The following SAMMSON variants were observed in gnomAD, a reference collection of about 807,000 sequenced individuals.
SAMMSON encodes the protein survival associated mitochondrial melanoma specific oncogenic non-coding RNA.
At chr3:70,315,115 G>C (rs891917568) in intron 7 of SAMMSON, among the ~76,000 whole-genome samples, 1 of 152,134 alleles carries the variant, frequency 6.6e-6, no homozygotes, top group African/African-American at 2.4e-5. Context: ...TAGAATCTCT[G>C]TACAAGAGTT....
At chr3:70,345,403 C>G (rs1424169622) in intron 7 of SAMMSON, among the ~76,000 whole-genome samples, 1 of 152,214 alleles carries the variant, frequency 6.6e-6, no homozygotes, top group Non-Finnish European at 1.5e-5. Context: ...TCTCCCAACA[C>G]TTTCAAGTGA....
At chr3:70,250,370 A>G (rs1701749541) in intron 6 of SAMMSON, among the ~76,000 whole-genome samples, 1 of 150,792 alleles carries the variant, frequency 6.6e-6, no homozygotes, top group South Asian at 2.1e-4. Flanking sequence ...CTGTGTTTTT[A>G]TTGTTATTGA....
intron 4 of SAMMSON, among the ~76,000 whole-genome samples, chr3:70,223,940 G>T (rs1374542250): frequency 6.6e-6 from 1 of 151,384 alleles, no homozygotes; most frequent in African/African-American, 2.4e-5. Context: ...CCACCCTTTT[G>T]GTTTTGTTTC....
At chr3:70,194,102 A>C (rs985690815) in intron 4 of SAMMSON, among the ~76,000 whole-genome samples, 1 of 152,228 alleles carries the variant, frequency 6.6e-6, no homozygotes, top group Non-Finnish European at 1.5e-5. Flanking sequence ...CGGCTTTTAC[A>C]GAAGCAATGG....
intron 4 of SAMMSON, among the ~76,000 whole-genome samples, chr3:70,158,241 A>G (rs887765487): frequency 6.6e-6 from 1 of 152,072 alleles, no homozygotes; most frequent in African/African-American, 2.4e-5. Flanking sequence ...AGCAACCACT[A>G]ATCTATTTTC....
Position 70,267,693 on chromosome 3 carries a change from G to A in SAMMSON, n.674+18023G>A, listed in dbSNP as rs1701932898. Among the ~76,000 whole-genome samples the A allele has an allele frequency of 3.3e-5, 5 of 151,420 alleles. No individual in the cohort carries two copies. In the South Asian group the frequency reaches 1.0e-3, roughly 31 times the overall value. Reference sequence around the variant, plus strand: ...GGCCTCCCAGAGTGCTGGGATTACAGGCGAGAGCCACCCCGCCCAGCCTAA... The same window carrying A: ...GGCCTCCCAGAGTGCTGGGATTACAAGCGAGAGCCACCCCGCCCAGCCTAA... On this transcript the variant is annotated intron_variant and non_coding_transcript_variant, in intron 6 of 9. Transcript: ENST00000642114.
chr3:70,243,900 T>A (rs922565102), intron 4 of SAMMSON, among the ~76,000 whole-genome samples: 12 of 152,158 alleles, frequency 7.9e-5, no homozygotes, highest in African/African-American at 2.9e-4. Context: ...CTGTAATAAT[T>A]GTCTATAGTT....
chr3:70,404,433 T>C, intron 2 of SAMMSON, among the ~76,000 whole-genome samples: 1 of 152,154 alleles, frequency 6.6e-6, no homozygotes. Context: ...GATTCAGAGA[T>C]ACCCGGTAGA....
chr3:70,087,521 A>T (rs138725249), intron 4 of SAMMSON, among the ~76,000 whole-genome samples: 33 of 152,272 alleles, frequency 2.2e-4, no homozygotes, highest in African/African-American at 7.0e-4. Context: ...GATTCCTTCC[A>T]CAGGGAGGAA....
At position 70,090,067 on chromosome 3, in the gene SAMMSON, G is replaced by A. The variant is rs74797860; in HGVS notation, n.507+18502G>A. Among the ~76,000 whole-genome samples, 41 of 151,926 alleles carry A rather than the reference G, an allele frequency of 2.7e-4. No individual in the cohort carries two copies. In the East Asian group the frequency reaches 5.2e-3, roughly 19 times the overall value. On this transcript the variant is annotated intron_variant and non_coding_transcript_variant, in intron 4 of 9. Transcript: ENST00000642114. ...TTTTTTCCTTGACTTTCCCCCATTC[G>A]TTAAATATGAACACCTCAAAGACAG...
chr3:70,144,175 C>T (rs2067539024), intron 4 of SAMMSON, among the ~76,000 whole-genome samples: 1 of 152,044 alleles, frequency 6.6e-6, no homozygotes, highest in African/African-American at 2.4e-5. Context: ...TTTACCTTGA[C>T]TTTTTTTCAT....
At chr3:70,246,625 G>C (rs1211535922) in intron 4 of SAMMSON, among the ~76,000 whole-genome samples, 3 of 152,160 alleles carry the variant, frequency 2.0e-5, no homozygotes, top group South Asian at 4.1e-4. Flanking sequence ...TAACTGAAAC[G>C]TATTTAAGGG....
chr3:70,037,007 G>T (rs1249711595), intron 3 of SAMMSON, among the ~76,000 whole-genome samples: 1 of 152,076 alleles, frequency 6.6e-6, no homozygotes, highest in Non-Finnish European at 1.5e-5. Flanking sequence ...ATGTCAAAAG[G>T]TAGAGAGGAA....
intron 3 of SAMMSON, among the ~76,000 whole-genome samples, chr3:70,032,829 G>A (rs1559777240): frequency 6.6e-6 from 1 of 152,158 alleles, no homozygotes; most frequent in African/African-American, 2.4e-5. Flanking sequence ...GCTGCAACAG[G>A]GCTAAGCTCA....
chr3:70,388,517 TTGTCCA>T (rs967653701), intron 9 of SAMMSON, among the ~76,000 whole-genome samples: 3 of 152,160 alleles, frequency 2.0e-5, no homozygotes, highest in African/African-American at 7.2e-5. Context: ...TCCAACCCTC[TTGTCCA>T]TTGCTATTTC....
chr3:70,129,130 GTC>G (rs1231725726), intron 4 of SAMMSON, among the ~76,000 whole-genome samples: 4 of 152,102 alleles, frequency 2.6e-5, no homozygotes, highest in African/African-American at 7.2e-5. Context: ...TCTGGCCTGT[GTC>G]TCTATCTTCT....
chr3:70,352,978 C>G (rs1196175253), intron 7 of SAMMSON, among the ~76,000 whole-genome samples: 1 of 151,844 alleles, frequency 6.6e-6, no homozygotes, highest in African/African-American at 2.4e-5. Flanking sequence ...TTCAATGGAA[C>G]AAAAAGATAA....
At chr3:70,068,458 C>T (rs943694891) in intron 3 of SAMMSON, 2 of 152,074 alleles carry the variant, frequency 1.3e-5, no homozygotes, top group Admixed American at 6.6e-5. Flanking sequence ...TCCACTTAAA[C>T]AGCTCCAAGT....
chr3:70,095,586 C>G (rs955800729), intron 4 of SAMMSON, among the ~76,000 whole-genome samples: 7 of 152,148 alleles, frequency 4.6e-5, no homozygotes, highest in African/African-American at 1.4e-4. Context: ...AAAGTAGGCT[C>G]AACACCCAGC....
Sources: allele counts gnomAD v4.1 joint callset (sites outside exome capture counted in the v4.1 genomes callset), GRCh38; gene constraint gnomAD v4.1.1; transcripts MANE v1.5; gene names NCBI Gene and HGNC (gene_info 2026-07-23, HGNC 2026-07-21).